NRG1: variants seen among roughly 807,000 people sequenced by gnomAD.
NRG1 encodes the protein pro-neuregulin-1, membrane-bound isoform.
A neutral mutation model predicts 63.8 loss-of-function variants in NRG1; 18 were observed. That is an observed-to-expected ratio of 0.28 (90% CI 0.19 to 0.42). The LOEUF is 0.42. Among genes scored for constraint, NRG1 ranks in the 10% least tolerant of loss-of-function variants. NRG1 has a pLI of 1.00. For synonymous variants in NRG1, 302 were observed against 301.3 expected (o/e 1.00, Z -0.02); for missense variants, 762 against 814.7 (o/e 0.94, Z 0.79).
chr8:32,388,664 T>C (rs917559745), intron 1 of NRG1, among the ~76,000 whole-genome samples: 3 of 151,408 alleles, frequency 2.0e-5, no homozygotes, highest in African/African-American at 7.2e-5. Context: ...GGTTTTTTTT[T>C]TTCGTCTCAA....
At chr8:31,858,160 A>G (rs1187367782) in intron 1 of NRG1, among the ~76,000 whole-genome samples, 5 of 152,058 alleles carry the variant, frequency 3.3e-5, no homozygotes, top group South Asian at 2.1e-4. Context: ...TTAGTCGGGC[A>G]TGGTGGCAGG....
chr8:32,757,673 T>C (rs1392762628), intron 9 of NRG1, among the ~76,000 whole-genome samples: 1 of 152,248 alleles, frequency 6.6e-6, no homozygotes, highest in African/African-American at 2.4e-5. Flanking sequence ...TTATAATATA[T>C]AAACGGTAGA....
intron 2 of NRG1, among the ~76,000 whole-genome samples, chr8:32,601,144 ATGCTCCT>A (rs1844282734): frequency 6.6e-6 from 1 of 152,180 alleles, no homozygotes; most frequent in Admixed American, 6.5e-5. Context: ...AGGGATGTTT[ATGCTCCT>A]TGAGGTCAGT....
intron 1 of NRG1, among the ~76,000 whole-genome samples, chr8:31,889,510 G>A (rs911615055): frequency 9.2e-5 from 14 of 152,152 alleles, no homozygotes; most frequent in Non-Finnish European, 2.9e-5. Flanking sequence ...AGGAAGAGGG[G>A]CCTCTGCTAA....
chr8:31,905,563 T>A (rs1013210402), intron 1 of NRG1, among the ~76,000 whole-genome samples: 1 of 152,232 alleles, frequency 6.6e-6, no homozygotes, highest in African/African-American at 2.4e-5. Context: ...GATAGATCAT[T>A]CCCTGTTTCT....
intron 1 of NRG1, among the ~76,000 whole-genome samples, chr8:32,536,345 A>G (rs1434356803): frequency 6.6e-6 from 1 of 152,180 alleles, no homozygotes; most frequent in Non-Finnish European, 1.5e-5. Flanking sequence ...CGCTGCCCTC[A>G]GGTCTTAGAT....
chr8:32,013,384 T>A (rs533975967), intron 1 of NRG1, among the ~76,000 whole-genome samples: 1 of 152,244 alleles, frequency 6.6e-6, no homozygotes, highest in East Asian at 1.9e-4. Context: ...CCCAGTGATG[T>A]CATGTAGATA....
intron 1 of NRG1, among the ~76,000 whole-genome samples, chr8:32,437,904 A>G (rs1369156257): frequency 6.6e-6 from 1 of 152,194 alleles, no homozygotes; most frequent in Non-Finnish European, 1.5e-5. Flanking sequence ...TTCAGATATT[A>G]TGTTGTTTGT....
rs770361611 is a variant in NRG1 at position 32,742,712 on chromosome 8, T to C, written c.670T>C (p.Tyr224His). ...GTTTACTGGTGATCGCTGCCAAAAC[T>C]ACGTAATGGCCAGCTTCTACAGTAC... is the stretch of plus-strand genomic sequence containing the variant. Residue 224 changes from tyrosine (Y) to histidine (H), a missense_variant, in exon 7 of 12, where the codon TAC becomes CAC. This residue lies in a region of NRG1 where 122 missense variants were observed against 190.1 expected (regional missense o/e 0.64). Transcript: ENST00000356819. This position sits in a 1 kb window ranked among gnomAD's most constrained non-coding sequence, Gnocchi z 4.2. 6.2e-7 allele frequency: 1 copy of C among 1,613,810 alleles called. No homozygotes were observed. The highest frequency in any genetic ancestry group is 8.5e-7 in the Non-Finnish European group (1 of 1,179,756).
intron 1 of NRG1, among the ~76,000 whole-genome samples, chr8:31,758,407 C>T (rs930576317): frequency 1.1e-4 from 16 of 152,242 alleles, no homozygotes; most frequent in Admixed American, 7.9e-4. Context: ...TATAAAGACA[C>T]ATGCACATGT....
chr8:32,097,669 C>T (rs199990192), intron 1 of NRG1, among the ~76,000 whole-genome samples: 3 of 152,122 alleles, frequency 2.0e-5, no homozygotes, highest in Admixed American at 6.5e-5. Flanking sequence ...AAGTTAGAAT[C>T]TATTTTAGAA....
intron 1 of NRG1, among the ~76,000 whole-genome samples, chr8:31,858,455 T>G (rs1405786134): frequency 1.3e-5 from 2 of 152,130 alleles, no homozygotes; most frequent in Non-Finnish European, 2.9e-5. Flanking sequence ...GAAGGGTGGT[T>G]TTCTCTTATT....
At chr8:32,223,280 G>C (rs1280890508) in intron 1 of NRG1, among the ~76,000 whole-genome samples, 1 of 152,178 alleles carries the variant, frequency 6.6e-6, no homozygotes, top group East Asian at 1.9e-4. Flanking sequence ...CTGTGCAGCT[G>C]CTACTTTGTA....
At chr8:32,448,006 G>A (rs1587710300) in intron 1 of NRG1, among the ~76,000 whole-genome samples, 1 of 152,178 alleles carries the variant, frequency 6.6e-6, no homozygotes, top group African/African-American at 2.4e-5. Flanking sequence ...AACTTTAGTA[G>A]AACATTATTT....
At chr8:32,321,157 T>C (rs1263978482) in intron 1 of NRG1, among the ~76,000 whole-genome samples, 4 of 152,166 alleles carry the variant, frequency 2.6e-5, no homozygotes, top group South Asian at 2.1e-4. Context: ...ATAGTATCAA[T>C]TAAACTATGC....
At chr8:32,492,487 C>A (rs1369482678) in intron 1 of NRG1, among the ~76,000 whole-genome samples, 1 of 150,254 alleles carries the variant, frequency 6.7e-6, no homozygotes, top group Non-Finnish European at 1.5e-5. Context: ...CATTCCAGAT[C>A]TGAGTTGCAG....
chr8:32,639,683 G>T (rs1200641226), intron 5 of NRG1, among the ~76,000 whole-genome samples: 12 of 152,154 alleles, frequency 7.9e-5, no homozygotes, highest in Non-Finnish European at 1.8e-4. Flanking sequence ...TATTTCTAGA[G>T]CATTTGCTAT....
intron 1 of NRG1, among the ~76,000 whole-genome samples, chr8:32,559,841 C>A (rs1050974461): frequency 3.1e-4 from 39 of 127,382 alleles, no homozygotes; most frequent in Non-Finnish European, 3.5e-4. Flanking sequence ...CAAAAAAATA[C>A]AAAAAAAAAA....
intron 1 of NRG1, among the ~76,000 whole-genome samples, chr8:32,391,627 T>C (rs1811778242): frequency 6.6e-6 from 1 of 152,214 alleles, no homozygotes; most frequent in Non-Finnish European, 1.5e-5. Context: ...TGGTTTTCCA[T>C]TCCTGTGCTA....
Sources: gnomAD v4.1 joint callset for allele counts (sites outside exome capture counted in the v4.1 genomes callset) on GRCh38, gnomAD v4.1.1 for gene constraint, gnomAD v4.1.1 regional missense constraint, Gnocchi (gnomAD v3.1) non-coding constraint, MANE v1.5 for transcripts, NCBI Gene and HGNC (gene_info 2026-07-23, HGNC 2026-07-21) for gene names.